CHIC1: variants seen among roughly 807,000 people sequenced by gnomAD.
CHIC1 encodes cysteine-rich hydrophobic domain-containing protein 1.
CHIC1 carries 7 observed loss-of-function variants against 18.5 expected under a neutral mutation model. That is an observed-to-expected ratio of 0.38 (90% CI 0.22 to 0.71). The LOEUF is 0.71. Among genes scored for constraint, CHIC1 ranks in the 30% least tolerant of loss-of-function variants. CHIC1 has a pLI of 0.49. For synonymous variants in CHIC1, 77 were observed against 73.5 expected (o/e 1.05, Z -0.25); for missense variants, 159 against 176.9 (o/e 0.90, Z 0.57).
intron 3 of CHIC1, among the ~76,000 whole-genome samples, chrX:73,677,533 C>A (rs957609464): frequency 8.9e-6 from 1 of 112,277 alleles, no homozygotes; most frequent in African/African-American, 3.2e-5. Context: ...TAGGACCCTC[C>A]GAGCCAGGTG....
chrX:73,599,928 T>C (rs2057634662), intron 3 of CHIC1, among the ~76,000 whole-genome samples: 1 of 97,076 alleles, frequency 1.0e-5, no homozygotes, highest in Non-Finnish European at 2.0e-5. Context: ...TTGGGCAGTA[T>C]GGCCATTTTC....
intron 1 of CHIC1, among the ~76,000 whole-genome samples, chrX:73,576,266 A>G (rs2057498560): frequency 9.0e-6 from 1 of 110,708 alleles, no homozygotes; most frequent in South Asian, 3.7e-4. Context: ...TAAGCCAGTA[A>G]CGGTCATTTG....
At chrX:73,646,478 T>A (rs1474199280) in intron 3 of CHIC1, among the ~76,000 whole-genome samples, 1 of 112,227 alleles carries the variant, frequency 8.9e-6, no homozygotes, top group Admixed American at 9.4e-5. Context: ...AAACACAAAA[T>A]ATCCTTCCAT....
At chrX:73,647,062 T>G (rs1160994569) in intron 3 of CHIC1, among the ~76,000 whole-genome samples, 5 of 112,097 alleles carry the variant, frequency 4.5e-5, no homozygotes, top group Non-Finnish European at 9.4e-5. Flanking sequence ...GGATACACTT[T>G]ACCCATGGTA....
intron 3 of CHIC1, among the ~76,000 whole-genome samples, chrX:73,616,259 TC>T (rs1159180844): frequency 1.8e-5 from 2 of 111,187 alleles, no homozygotes; most frequent in Non-Finnish European, 3.8e-5. Context: ...ATCTAGGGGC[TC>T]TCCTGTGGCT....
chrX:73,675,316 A>C (rs2058055980), intron 3 of CHIC1, among the ~76,000 whole-genome samples: 1 of 111,353 alleles, frequency 9.0e-6, no homozygotes, highest in South Asian at 3.8e-4. Context: ...GATCTGTCTA[A>C]TGTTGACATT....
At chrX:73,582,563 A>G (rs1323769967) in intron 2 of CHIC1, among the ~76,000 whole-genome samples, 1 of 110,266 alleles carries the variant, frequency 9.1e-6, no homozygotes, top group African/African-American at 3.3e-5. Context: ...AATGTAGTAT[A>G]TAGGAAAACT....
chrX:73,600,563 A>G lies in CHIC1; in HGVS notation c.507+15991A>G, dbSNP rs1158375895. On this transcript the variant is annotated intron_variant, in intron 3 of 5. Coordinates refer to ENST00000373502, the MANE Select transcript of CHIC1 (RefSeq NM_001039840.4). Reference sequence around the variant, plus strand: ...CATGAAGGGTTGTTGAATTTTGTCAAAGGTTTTTTCTGCATCTATTGAGAT... The same window carrying G: ...CATGAAGGGTTGTTGAATTTTGTCAGAGGTTTTTTCTGCATCTATTGAGAT... Among the ~76,000 whole-genome samples, 8 of 108,203 alleles carry G rather than the reference A, an allele frequency of 7.4e-5. 1 individual carries two copies. The highest frequency in any genetic ancestry group is 2.9e-4 in the East Asian group (1 of 3,508). 94.0% of individuals were successfully genotyped at this position (108,203 alleles called of 115,157 possible). A position where few individuals can be genotyped will look rare whatever the true frequency, so the allele number is the denominator to read the frequency against.
intron 3 of CHIC1, among the ~76,000 whole-genome samples, chrX:73,587,400 A>C (rs2057558337): frequency 9.0e-6 from 1 of 111,521 alleles, no homozygotes; most frequent in Non-Finnish European, 1.9e-5. Context: ...CTACCACTGA[A>C]CCAACTGTGA....
intron 3 of CHIC1, among the ~76,000 whole-genome samples, chrX:73,612,952 C>A (rs181659575): frequency 3.1e-4 from 35 of 111,768 alleles, no homozygotes; most frequent in Admixed American, 4.7e-4. Flanking sequence ...TTATTTCTTC[C>A]TTTATAACTA....
chrX:73,618,062 C>T lies in CHIC1; in HGVS notation c.507+33490C>T, dbSNP rs780181105. Among the ~76,000 whole-genome samples, 5 of 111,411 alleles carry T rather than the reference C, an allele frequency of 4.5e-5. No individual in the cohort carries two copies. In the East Asian group the frequency reaches 1.4e-3, roughly 32 times the overall value. On this transcript the variant is annotated intron_variant, in intron 3 of 5. Transcript: ENST00000373502. ...TGATTATTTCTTTTTTGGATTTAGC[C>T]ACCCAGCGGAGCTACCAGGCTCCTG...
At chrX:73,564,792 T>G (rs1436368030) in intron 1 of CHIC1, among the ~76,000 whole-genome samples, 2 of 37,942 alleles carry the variant, frequency 5.3e-5, no homozygotes, top group Non-Finnish European at 8.5e-5. Flanking sequence ...ACATGTTGAG[T>G]TTTTTTTTTT....
rs1414292014 is a variant in CHIC1, at chrX:73,600,179, A to G, written c.507+15607A>G. 4.1e-5 allele frequency among the ~76,000 whole-genome samples: 4 copies of G among 96,521 alleles called. No individual in the cohort carries two copies. In the East Asian group the frequency reaches 1.2e-3, roughly 30 times the overall value. The allele number at this position is 96,521 out of a possible 115,157, so 83.8% of individuals were successfully genotyped here. A position where few individuals can be genotyped will look rare whatever the true frequency, so the allele number is the denominator to read the frequency against. ...GAATGCTTGTGATTTTTGTACATTGATTTTGTATCCTGAGACTTTGCTGAA... is the reference window on the plus strand; with the variant it reads ...GAATGCTTGTGATTTTTGTACATTGGTTTTGTATCCTGAGACTTTGCTGAA... On this transcript the variant is annotated intron_variant, in intron 3 of 5. Coordinates refer to ENST00000373502, the MANE Select transcript of CHIC1 (RefSeq NM_001039840.4).
At position 73,652,617 on chromosome X, in the gene CHIC1, CAT is replaced by C. The variant is rs759154464; in HGVS notation, c.508-26706_508-26705del. On this transcript the variant is annotated intron_variant, in intron 3 of 5. Transcript: ENST00000373502. ...AGAAGACATTTATGTGGCCAACAAA[CAT>C]ATGGAAAAAAAGCTCAACATCACTG... Among the ~76,000 whole-genome samples, 5 of 112,292 alleles carry C rather than the reference CAT, an allele frequency of 4.5e-5. No homozygotes were observed. The East Asian group carries it at 8.4e-4, about 19-fold the overall frequency.
intron 3 of CHIC1, among the ~76,000 whole-genome samples, chrX:73,658,837 G>A (rs1381911590): frequency 9.0e-5 from 10 of 111,721 alleles, no homozygotes; most frequent in South Asian, 3.7e-4. Context: ...TTTTATCTTC[G>A]TTCTCATTTG....
Position 73,686,941 on chromosome X carries a change from A to AATG in CHIC1, c.*5938_*5940dup, listed in dbSNP as rs940636042. 14 of 111,612 alleles carry AATG rather than the reference A, an allele frequency of 1.3e-4. No individual in the cohort carries two copies. The highest frequency in any genetic ancestry group is 1.2e-3 in the Admixed American group (13 of 10,479). The allele number at this position is 111,612 out of a possible 1,213,427, so 9.2% of individuals were successfully genotyped here. On this transcript the variant is annotated 3_prime_UTR_variant, in exon 6 of 6. Coordinates refer to ENST00000373502, the MANE Select transcript of CHIC1 (RefSeq NM_001039840.4). ...TCATTTTTTCTCCCTTGAGTCCAGG[A>AATG]ATGACTTCCCTGGAAAAACTCAATC...
chrX:73,671,490 C>T (rs768058084), intron 3 of CHIC1, among the ~76,000 whole-genome samples: 3 of 111,370 alleles, frequency 2.7e-5, no homozygotes, highest in Non-Finnish European at 3.8e-5. Flanking sequence ...TTTTTCCTGC[C>T]TAGGTTATTT....
chrX:73,614,651 G>C (rs961389240), intron 3 of CHIC1, among the ~76,000 whole-genome samples: 7 of 109,198 alleles, frequency 6.4e-5, no homozygotes, highest in South Asian at 4.0e-4. Context: ...GAACTTTTCT[G>C]TTAAAGATTT....
intron 3 of CHIC1, among the ~76,000 whole-genome samples, chrX:73,677,694 G>A (rs1036065141): frequency 1.8e-5 from 2 of 112,475 alleles, no homozygotes; most frequent in Non-Finnish European, 3.8e-5. Context: ...TCCCGAGTGA[G>A]GTGATGCCTC....
Sources: allele counts gnomAD v4.1 joint callset (sites outside exome capture counted in the v4.1 genomes callset), GRCh38; gene constraint gnomAD v4.1.1; transcripts MANE v1.5; gene names NCBI Gene and HGNC (gene_info 2026-07-23, HGNC 2026-07-21).